PLXNA4: variants seen among roughly 807,000 people sequenced by gnomAD.
PLXNA4 encodes the protein plexin-A4.
In PLXNA4, 44 loss-of-function variants were observed where a neutral mutation model predicts 191.8. That is an observed-to-expected ratio of 0.23 (90% CI 0.18 to 0.29). PLXNA4 has a LOEUF of 0.29. PLXNA4 is among the 10% of genes least tolerant of loss of function. The pLI is 1.00. For synonymous variants in PLXNA4, 1,082 were observed against 1,009.5 expected (o/e 1.07, Z -1.36); for missense variants, 1,800 against 2,488.8 (o/e 0.72, Z 5.89).
intron 3 of PLXNA4, among the ~76,000 whole-genome samples, chr7:132,342,489 T>C (rs1410802555): frequency 2.6e-5 from 4 of 152,080 alleles, no homozygotes; most frequent in African/African-American, 9.7e-5. Flanking sequence ...TTAATAAACC[T>C]GAAAGCACAA....
At chr7:132,308,002 C>T (rs1253758666) in intron 3 of PLXNA4, among the ~76,000 whole-genome samples, 2 of 152,132 alleles carry the variant, frequency 1.3e-5, no homozygotes, top group Non-Finnish European at 2.9e-5. Flanking sequence ...CCATTAGGAA[C>T]TTCTTGCCCT....
At chr7:132,133,230 A>G (rs763580886) in intron 30 of PLXNA4, 31 bp from the exon 31 acceptor site, 1 of 1,611,088 alleles carries the variant, frequency 6.2e-7, no homozygotes, top group Non-Finnish European at 8.5e-7. Context: ...GGAGAAGCTG[A>G]AGTCGTGCAT....
chr7:132,607,692 G>A (rs1802953041), intron 2 of PLXNA4, among the ~76,000 whole-genome samples: 1 of 152,240 alleles, frequency 6.6e-6, no homozygotes, highest in African/African-American at 2.4e-5. Context: ...AATTAATTAG[G>A]CCTCTTGCAT....
At chr7:132,588,748 GAGAGAAAGAGAGAAAAAGAAAGAA>G (rs1332389856) in intron 2 of PLXNA4, among the ~76,000 whole-genome samples, 2 of 145,864 alleles carry the variant, frequency 1.4e-5, no homozygotes, top group Non-Finnish European at 3.0e-5. Context: ...AAGAAAGAAA[GAGAGAAAGAGAGAAAAAGAAAGAA>G]AGAGAAAGAG....
intron 1 of PLXNA4, among the ~76,000 whole-genome samples, chr7:132,548,153 G>A (rs772908141): frequency 3.3e-4 from 50 of 152,160 alleles, no homozygotes; most frequent in African/African-American, 3.9e-4. Flanking sequence ...GGAATGCCAC[G>A]TCCCAAATCC....
chr7:132,187,270 A>G (rs986606010), intron 15 of PLXNA4, among the ~76,000 whole-genome samples: 1 of 152,196 alleles, frequency 6.6e-6, no homozygotes. Flanking sequence ...CCATTTAGCC[A>G]GCTCTGTATT....
intron 3 of PLXNA4, among the ~76,000 whole-genome samples, chr7:132,374,446 G>A (rs1804574414): frequency 6.6e-6 from 1 of 152,172 alleles, no homozygotes; most frequent in South Asian, 2.1e-4. Context: ...AAGGCTAGCT[G>A]TTGGGAGATG....
At chr7:132,239,699 T>C (rs1300012237) in intron 5 of PLXNA4, among the ~76,000 whole-genome samples, 1 of 152,220 alleles carries the variant, frequency 6.6e-6, no homozygotes, top group African/African-American at 2.4e-5. Flanking sequence ...ACCTCTGCCA[T>C]CCTCTTCTAT....
chr7:132,198,607 C>A lies in PLXNA4; in HGVS notation c.2616G>T (p.Gly872=). The A allele has an allele frequency of 6.2e-7, 1 of 1,614,190 alleles. No individual in the cohort carries two copies. The highest frequency in any genetic ancestry group is 1.1e-5 in the South Asian group (1 of 91,084). ...EIIPVTGPRE[G]GTKVTIRGEN... is the part of the protein sequence containing the mutation. ...CCCCTCGGATAGTGACCTTGGTGCC[C>A]CCTTCCCGGGGGCCTGTCACCGGGA... The change falls in exon 13 of 32, where the codon GGG becomes GGT. Residue 872 remains glycine (G), a synonymous_variant. Transcript: ENST00000321063.
chr7:132,244,533 T>A (rs1798984239), intron 4 of PLXNA4, among the ~76,000 whole-genome samples: 1 of 152,212 alleles, frequency 6.6e-6, no homozygotes, highest in Non-Finnish European at 1.5e-5. Context: ...CCACTCTTTT[T>A]AAAGTGTGGA....
Position 132,507,920 on chromosome 7 carries a change from G to T in PLXNA4, c.774C>A (p.Thr258=). Residue 258 remains threonine (T), a synonymous_variant, in exon 2 of 32, where the codon ACC becomes ACA. Coordinates refer to ENST00000321063, the MANE Select transcript of PLXNA4 (RefSeq NM_020911.2). ...FSSGNFVYFL[T]LQPEMVSPPG... is the part of the protein sequence containing the mutation. ...GTGGAGACACCATCTCAGGTTGGAGGGTCAAAAAGTAGACAAAGTTGCCAC... is the reference window on the plus strand; with the variant it reads ...GTGGAGACACCATCTCAGGTTGGAGTGTCAAAAAGTAGACAAAGTTGCCAC... 6.2e-7 allele frequency: 1 copy of T among 1,614,062 alleles called. No individual in the cohort carries two copies. The highest frequency in any genetic ancestry group is 2.2e-5 in the East Asian group (1 of 44,868).
Position 132,174,902 on chromosome 7 carries a change from G to A in PLXNA4, c.3893C>T (p.Thr1298Met). ...GTCACTGGTCAGCTCATGGATGTCC[G>A]TCTGCAGCTCGGCAAAGGCTGGCAC... ...ECKEAFAELQ[T>M]DIHELTSDLD... Residue 1298 changes from threonine (T) to methionine (M), a missense_variant, in exon 21 of 32, where the codon ACG becomes ATG. Thr to Met is a moderately conservative substitution (Grantham distance 81, BLOSUM62 -1). Coordinates refer to ENST00000321063, the MANE Select transcript of PLXNA4 (RefSeq NM_020911.2). 6.2e-7 allele frequency: 1 copy of A among 1,614,062 alleles called. No homozygotes were observed.
chr7:132,449,775 C>T (rs1796049575), intron 3 of PLXNA4, among the ~76,000 whole-genome samples: 1 of 152,222 alleles, frequency 6.6e-6, no homozygotes, highest in African/African-American at 2.4e-5. Context: ...AACAGAGAGG[C>T]CCATCCTCCC....
At chr7:132,298,898 AG>A (rs1316139887) in intron 3 of PLXNA4, among the ~76,000 whole-genome samples, 16 of 152,390 alleles carry the variant, frequency 1.0e-4, no homozygotes, top group African/African-American at 1.7e-4. Context: ...TCAGCTGAAT[AG>A]ATCATCCCCG....
rs1231251971 is a variant in PLXNA4, at chr7:132,164,058, C to T, written c.4500+84G>A. ...CTGGAGAGGCAGCTGTTCAGCCTTTCAGCCATCTCCACTGCTGAGCAGGGC... is the reference window on the plus strand; with the variant it reads ...CTGGAGAGGCAGCTGTTCAGCCTTTTAGCCATCTCCACTGCTGAGCAGGGC... On this transcript the variant is annotated intron_variant, in intron 24 of 31. Coordinates refer to ENST00000321063, the MANE Select transcript of PLXNA4 (RefSeq NM_020911.2). 3.8e-6 allele frequency: 6 copies of T among 1,570,234 alleles called. No individual in the cohort carries two copies. In the East Asian group the frequency reaches 1.4e-4, roughly 36 times the overall value.
chr7:132,351,400 T>C (rs1210871802), intron 3 of PLXNA4, among the ~76,000 whole-genome samples: 2 of 152,224 alleles, frequency 1.3e-5, no homozygotes, highest in Non-Finnish European at 2.9e-5. Context: ...TTATAAAGAA[T>C]TGATTCAAAG....
intron 3 of PLXNA4, among the ~76,000 whole-genome samples, chr7:132,482,928 T>C (rs892612743): frequency 1.3e-5 from 2 of 152,068 alleles, no homozygotes; most frequent in Non-Finnish European, 2.9e-5. Context: ...CCTGACCTCA[T>C]GATCTGTGTG....
chr7:132,569,983 C>G (rs76592677), intron 1 of PLXNA4, among the ~76,000 whole-genome samples: 5,813 of 152,284 alleles, frequency 0.038, 261 homozygotes, highest in African/African-American at 0.1. Flanking sequence ...GTAGTCATAG[C>G]AAAGTGCTTG....
intron 3 of PLXNA4, among the ~76,000 whole-genome samples, chr7:132,315,423 G>A (rs1234703148): frequency 6.6e-6 from 1 of 152,136 alleles, no homozygotes; most frequent in Non-Finnish European, 1.5e-5. Context: ...CACATAGTAA[G>A]GACACAATAA....
Sources: gnomAD v4.1 joint callset for allele counts (sites outside exome capture counted in the v4.1 genomes callset) on GRCh38, gnomAD v4.1.1 for gene constraint, MANE v1.5 for transcripts, NCBI Gene and HGNC (gene_info 2026-07-23, HGNC 2026-07-21) for gene names.